IFNAR1: variants seen among roughly 807,000 people sequenced by gnomAD.
IFNAR1 encodes the protein interferon alpha and beta receptor subunit 1.
IFNAR1 carries 47 observed loss-of-function variants against 62.1 expected under a neutral mutation model. That is an observed-to-expected ratio of 0.76 (90% CI 0.60 to 0.97). The LOEUF is 0.97. Among genes scored for constraint, IFNAR1 ranks in the 50% least tolerant of loss-of-function variants. The pLI is 0.00. For synonymous variants in IFNAR1, 219 were observed against 226.9 expected (o/e 0.97, Z 0.31); for missense variants, 638 against 654.5 (o/e 0.97, Z 0.27).
intron 10 of IFNAR1, among the ~76,000 whole-genome samples, chr21:33,354,902 A>T (rs2083432893): frequency 6.6e-6 from 1 of 152,160 alleles, no homozygotes; most frequent in Non-Finnish European, 1.5e-5. Flanking sequence ...TTTAAAATAG[A>T]CTTAAAAACT....
In IFNAR1 at chr21:33,349,487, C is replaced by G; in HGVS notation, c.1087C>G (p.Gln363Glu). The change falls in exon 8 of 11, where the codon CAG becomes GAG. Residue 363 changes from glutamine to glutamate, a missense_variant. Physicochemically the swap from Gln to Glu is conservative, Grantham distance 29. Coordinates refer to ENST00000270139, the MANE Select transcript of IFNAR1 (RefSeq NM_000629.3). ...ACAGTCTGGAAACACGCCTGTGATC[C>G]AGGATTATCCACTGATTTATGAAAT... ...PKQSGNTPVI[Q>E]DYPLIYEIIF... 6.2e-7 allele frequency: 1 copy of G among 1,611,886 alleles called. No individual in the cohort carries two copies. The highest frequency in any genetic ancestry group is 1.3e-5 in the African/African-American group (1 of 74,906).
chr21:33,351,245 C>T (rs1052098533), intron 8 of IFNAR1, among the ~76,000 whole-genome samples: 24 of 152,206 alleles, frequency 1.6e-4, no homozygotes, highest in Non-Finnish European at 1.0e-4. Context: ...TTCTTCCCTG[C>T]ACCACCAGAC....
intron 5 of IFNAR1, among the ~76,000 whole-genome samples, chr21:33,344,148 A>T (rs1286206103): frequency 6.6e-6 from 1 of 150,432 alleles, no homozygotes; most frequent in African/African-American, 2.4e-5. Flanking sequence ...ACAAAGAGTA[A>T]GGCTCCGTCT....
In IFNAR1 at chr21:33,343,150, A is replaced by G. The variant is rs1312384235; in HGVS notation, c.377-118A>G. 1.1e-5 allele frequency: 8 copies of G among 754,644 alleles called. No individual in the cohort carries two copies. In the Admixed American group the frequency reaches 1.5e-4, roughly 15 times the overall value. The allele number at this position is 754,644 out of a possible 1,614,324, so 46.7% of individuals were successfully genotyped here. On this transcript the variant is annotated intron_variant, in intron 3 of 10. Coordinates refer to ENST00000270139, the MANE Select transcript of IFNAR1 (RefSeq NM_000629.3). ...TCTTACAGCTTTCTATCCTATCTGT[A>G]TGCTCTTAACTCCCAGAAGTGGCAG...
chr21:33,353,906 T>C, intron 10 of IFNAR1, 123 bp downstream of exon 10: 1 of 642,298 alleles, frequency 1.6e-6, no homozygotes, highest in Non-Finnish European at 2.6e-6. Flanking sequence ...GATTTGGGTA[T>C]CTTCTTCAAA....
chr21:33,342,805 C>T (rs1167593651), intron 3 of IFNAR1, among the ~76,000 whole-genome samples: 3 of 150,978 alleles, frequency 2.0e-5, no homozygotes, highest in South Asian at 2.1e-4. Flanking sequence ...TGCAGTGAGC[C>T]GAGATCGTGC....
intron 2 of IFNAR1, among the ~76,000 whole-genome samples, chr21:33,339,798 C>T (rs2083276609): frequency 6.6e-6 from 1 of 151,796 alleles, no homozygotes. Flanking sequence ...CGTGGTGGCA[C>T]ACGCCTGTAA....
chr21:33,326,224 T>C, intron 1 of IFNAR1, among the ~76,000 whole-genome samples: 1 of 151,368 alleles, frequency 6.6e-6, no homozygotes, highest in Non-Finnish European at 1.5e-5. Flanking sequence ...TTTTTTTTTT[T>C]TTTTTTGAGA....
At chr21:33,350,123 T>C (rs543453270) in intron 8 of IFNAR1, among the ~76,000 whole-genome samples, 1 of 151,500 alleles carries the variant, frequency 6.6e-6, no homozygotes, top group South Asian at 2.1e-4. Context: ...ATGATTCCCA[T>C]GTATTCATCT....
intron 1 of IFNAR1, among the ~76,000 whole-genome samples, chr21:33,328,944 A>G (rs1043965761): frequency 2.6e-5 from 4 of 152,112 alleles, no homozygotes; most frequent in Admixed American, 1.3e-4. Context: ...TGTTAATGTT[A>G]CATAACAATT....
At chr21:33,339,914 T>A (rs2083277890) in intron 2 of IFNAR1, among the ~76,000 whole-genome samples, 1 of 113,482 alleles carries the variant, frequency 8.8e-6, no homozygotes, top group Non-Finnish European at 1.7e-5. Flanking sequence ...GGCAACAGAG[T>A]AAGACTCTGT....
In IFNAR1 at chr21:33,359,807, C is replaced by T. The variant is rs995176838; in HGVS notation, c.*4258C>T. ...AGGACACAAATAATAAATAAATCAT[C>T]CCTAATGCCCAAGAAATGCCCTGGT... is the stretch of plus-strand genomic sequence containing the variant. On this transcript the variant is annotated 3_prime_UTR_variant, in exon 11 of 11. Coordinates refer to ENST00000270139, the MANE Select transcript of IFNAR1 (RefSeq NM_000629.3). The T allele has an allele frequency of 6.6e-6, 1 of 152,140 alleles. No homozygotes were observed. The highest frequency in any genetic ancestry group is 6.5e-5 in the Admixed American group (1 of 15,278). 9.4% of individuals were successfully genotyped at this position (152,140 alleles called of 1,614,324 possible).
intron 5 of IFNAR1, among the ~76,000 whole-genome samples, chr21:33,344,951 C>T (rs563492635): frequency 1.3e-5 from 2 of 152,052 alleles, no homozygotes; most frequent in East Asian, 3.9e-4. Flanking sequence ...TCATGCCTGG[C>T]TAATTTTTGT....
chr21:33,332,540 C>G (rs557468460), intron 1 of IFNAR1, among the ~76,000 whole-genome samples: 22 of 152,204 alleles, frequency 1.4e-4, no homozygotes, highest in Admixed American at 3.3e-4. Context: ...AAAAGAAGAT[C>G]AACAAATTGC....
chr21:33,328,206 C>T (rs2083144682), intron 1 of IFNAR1, among the ~76,000 whole-genome samples: 1 of 152,056 alleles, frequency 6.6e-6, no homozygotes, highest in Non-Finnish European at 1.5e-5. Flanking sequence ...TCCAGTGTGG[C>T]CCACGGAAGC....
intron 10 of IFNAR1, among the ~76,000 whole-genome samples, chr21:33,353,995 A>G (rs2083425018): frequency 6.6e-6 from 1 of 152,198 alleles, no homozygotes; most frequent in African/African-American, 2.4e-5. Flanking sequence ...CCTTAATTTC[A>G]TATTTTTCTG....
chr21:33,330,512 A>G (rs1300306087), intron 1 of IFNAR1, among the ~76,000 whole-genome samples: 1 of 152,180 alleles, frequency 6.6e-6, no homozygotes, highest in Non-Finnish European at 1.5e-5. Context: ...CACAGGATTA[A>G]CAACAATTAC....
At chr21:33,334,205 A>G (rs2123665289) in intron 1 of IFNAR1, among the ~76,000 whole-genome samples, 1 of 152,354 alleles carries the variant, frequency 6.6e-6, no homozygotes, top group Admixed American at 6.5e-5. Context: ...ACGTAAAGGG[A>G]AAGATAGACT....
chr21:33,341,796 C>T (rs2083294825), intron 3 of IFNAR1, among the ~76,000 whole-genome samples: 1 of 152,154 alleles, frequency 6.6e-6, no homozygotes, highest in Non-Finnish European at 1.5e-5. Context: ...ACTCTCCCGC[C>T]TCAGCCTCCC....
Sources: gnomAD v4.1 joint callset for allele counts (sites outside exome capture counted in the v4.1 genomes callset) on GRCh38, gnomAD v4.1.1 for gene constraint, MANE v1.5 for transcripts, NCBI Gene and HGNC (gene_info 2026-07-23, HGNC 2026-07-21) for gene names.